Variants in PIK3R5 observed in about 807,000 individuals in gnomAD.
The protein encoded by PIK3R5 is phosphoinositide 3-kinase regulatory subunit 5.
Under a neutral mutation model 94.9 loss-of-function variants are expected in PIK3R5, and 32 were observed. The ratio of observed to expected loss-of-function variants is 0.34; its 90% CI spans 0.25 to 0.45. The LOEUF (loss-of-function observed/expected upper bound fraction) is 0.45, where lower values mean the gene tolerates loss of function less well. Among genes scored for constraint, PIK3R5 ranks in the 20% least tolerant of loss-of-function variants. PIK3R5 has a pLI of 1.00. For missense variants in PIK3R5, 853 were observed against 1,144.6 expected (o/e 0.75, Z 3.68); for synonymous variants, 443 against 479.4 (o/e 0.92, Z 0.99).
At position 8,909,430 on chromosome 17, in the gene PIK3R5, C is replaced by T. The variant is rs974587191; in HGVS notation, c.104-256G>A. ...TCAGCCTCCCAAGTAGCTGGGATTA[C>T]AGGCACGTGCCACCGCACCCAGCTA... is the stretch of plus-strand genomic sequence containing the variant. On this transcript the variant is annotated intron_variant, in intron 2 of 18. Transcript: ENST00000447110. The surrounding 1 kb of genome is among the most constrained non-coding windows in gnomAD (Gnocchi z 4.3). Among the ~76,000 whole-genome samples, 2 of 152,134 alleles carry T rather than the reference C, an allele frequency of 1.3e-5. No individual in the cohort carries two copies. The highest frequency in any genetic ancestry group is 4.8e-5 in the African/African-American group (2 of 41,424).
At chr17:8,954,326 T>A (rs2091430465) in intron 1 of PIK3R5, among the ~76,000 whole-genome samples, 1 of 152,212 alleles carries the variant, frequency 6.6e-6, no homozygotes, top group Non-Finnish European at 1.5e-5. Flanking sequence ...TCCCTTGTCC[T>A]CCAGGGTCAA....
intron 1 of PIK3R5, among the ~76,000 whole-genome samples, chr17:8,920,286 T>TA (rs1324504483): frequency 1.3e-5 from 2 of 152,232 alleles, no homozygotes; most frequent in African/African-American, 4.8e-5. Flanking sequence ...GACGCACAGT[T>TA]AGACTTGGAA....
rs111710522 is a variant in PIK3R5 at position 8,954,461 on chromosome 17, C to T, written c.-14+11135G>A. On this transcript the variant is annotated intron_variant, in intron 1 of 18. Coordinates refer to ENST00000447110, the MANE Select transcript of PIK3R5 (RefSeq NM_001142633.3). ...TGATTGCCCCACAGCCTGGCACGGG[C>T]GGGACAGGAAGCCCCTCTGCCTTGT... Among the ~76,000 whole-genome samples, 1,292 of 152,282 alleles carry T rather than the reference C, an allele frequency of 8.5e-3. 19 individuals carry two copies. The highest frequency in any genetic ancestry group is 0.029 in the African/African-American group (1,203 of 41,562).
chr17:8,885,595 GCCCTGCCTCCTAGGTAA>G (rs1289519909), intron 14 of PIK3R5, among the ~76,000 whole-genome samples: 19 of 127,618 alleles, frequency 1.5e-4, no homozygotes, highest in African/African-American at 5.5e-4. Context: ...CCTCCCCATG[GCCCTGCCTCCTAGGTAA>G]CCCCGCCCCC....
rs2089764715 is a variant in PIK3R5 at position 8,884,598 on chromosome 17, TA to T, written c.2205+108del. On this transcript the variant is annotated intron_variant, in intron 15 of 18. Coordinates refer to ENST00000447110, the MANE Select transcript of PIK3R5 (RefSeq NM_001142633.3). The surrounding 1 kb of genome is among the most constrained non-coding windows in gnomAD (Gnocchi z 5.8). ...GGGAGCCTGCTGCAGCCTTCCAGCG[TA>T]AAGACTGGGGCCCAGGAACACACGA... The T allele has an allele frequency of 3.6e-6, 3 of 830,192 alleles. No individual in the cohort carries two copies. Among genetic ancestry groups the T allele is most frequent in the Non-Finnish European group, 6.0e-6 (3 of 499,682 alleles). The allele number at this position is 830,192 out of a possible 1,614,324, so 51.4% of individuals were successfully genotyped here.
At chr17:8,912,285 C>G (rs2090543644) in intron 1 of PIK3R5, among the ~76,000 whole-genome samples, 1 of 152,242 alleles carries the variant, frequency 6.6e-6, no homozygotes, top group South Asian at 2.1e-4. Flanking sequence ...GCTCCTGGGT[C>G]TCTGGGGAAG....
chr17:8,886,419 TG>T, intron 13 of PIK3R5, 57 bp downstream of exon 13: 3 of 1,598,784 alleles, frequency 1.9e-6, no homozygotes, highest in African/African-American at 2.7e-5. Context: ...GGGGCAGGGG[TG>T]GGGCCTTGCA....
chr17:8,953,612 A>T (rs1002194781), intron 1 of PIK3R5, among the ~76,000 whole-genome samples: 1 of 152,164 alleles, frequency 6.6e-6, no homozygotes, highest in African/African-American at 2.4e-5. Flanking sequence ...TTCACCACTA[A>T]AAACAACCTC....
chr17:8,884,602 G>T lies in PIK3R5; in HGVS notation c.2205+105C>A. ...GCCTGCTGCAGCCTTCCAGCGTAAA[G>T]ACTGGGGCCCAGGAACACACGAGTC... On this transcript the variant is annotated intron_variant, in intron 15 of 18. Coordinates refer to ENST00000447110, the MANE Select transcript of PIK3R5 (RefSeq NM_001142633.3). This position sits in a 1 kb window ranked among gnomAD's most constrained non-coding sequence, Gnocchi z 5.8. The T allele has an allele frequency of 3.5e-6, 3 of 865,240 alleles. No homozygotes were observed. The highest frequency in any genetic ancestry group is 1.5e-5 in the South Asian group (1 of 67,238). 53.6% of individuals were successfully genotyped at this position (865,240 alleles called of 1,614,324 possible). A position where few individuals can be genotyped will look rare whatever the true frequency, so the allele number is the denominator to read the frequency against.
At position 8,934,620 on chromosome 17, in the gene PIK3R5, G is replaced by A. The variant is rs1479661542; in HGVS notation, c.-13-23113C>T. Reference sequence around the variant, plus strand: ...AATAGCTAATACAGTTTGGGAAAAGGACAAAGTTGGACGACTCATCCTATC... The same window carrying A: ...AATAGCTAATACAGTTTGGGAAAAGAACAAAGTTGGACGACTCATCCTATC... On this transcript the variant is annotated intron_variant, in intron 1 of 18. Transcript: ENST00000447110. 2.0e-5 allele frequency among the ~76,000 whole-genome samples: 3 copies of A among 152,280 alleles called. 1 individual carries two copies. In the East Asian group the frequency reaches 5.8e-4, roughly 29 times the overall value.
chr17:8,908,873 T>C (rs896039289), intron 3 of PIK3R5, among the ~76,000 whole-genome samples: 6 of 152,228 alleles, frequency 3.9e-5, no homozygotes, highest in African/African-American at 1.4e-4. Flanking sequence ...TCGCGTATGA[T>C]GTGTTCTTAC....
At chr17:8,901,263 G>A (rs567881963) in intron 5 of PIK3R5, among the ~76,000 whole-genome samples, 89 of 152,308 alleles carry the variant, frequency 5.8e-4, no homozygotes, top group African/African-American at 2.0e-3. Context: ...AGAGTCCAGC[G>A]CCTCCTAAGG....
At chr17:8,915,294 C>T (rs1017010650) in intron 1 of PIK3R5, among the ~76,000 whole-genome samples, 4 of 151,560 alleles carry the variant, frequency 2.6e-5, no homozygotes, top group Non-Finnish European at 4.4e-5. Context: ...TGTGGTGGTG[C>T]ACACCTGTAA....
intron 1 of PIK3R5, among the ~76,000 whole-genome samples, chr17:8,950,216 G>A (rs1297636316): frequency 6.6e-6 from 1 of 152,256 alleles, no homozygotes; most frequent in African/African-American, 2.4e-5. Context: ...CCCAAAGGGT[G>A]TTGAGTAGCT....
rs986108616 is a variant in PIK3R5 at position 8,935,914 on chromosome 17, C to T, written c.-13-24407G>A. 1.3e-5 allele frequency among the ~76,000 whole-genome samples: 2 copies of T among 151,970 alleles called. No homozygotes were observed. The highest frequency in any genetic ancestry group is 6.6e-5 in the Admixed American group (1 of 15,258). ...CTAAAAATACAAAAAATTAGCCGGG[C>T]GTGGTGGCGGGCACCTGTAGTCCCA... On this transcript the variant is annotated intron_variant, in intron 1 of 18. Transcript: ENST00000447110. The surrounding 1 kb of genome is among the most constrained non-coding windows in gnomAD (Gnocchi z 4.5).
chr17:8,917,113 G>C (rs765036296), intron 1 of PIK3R5, among the ~76,000 whole-genome samples: 1 of 152,112 alleles, frequency 6.6e-6, no homozygotes, highest in Non-Finnish European at 1.5e-5. Flanking sequence ...CTAAGTAAAA[G>C]AATTCTTCCC....
At chr17:8,942,754 C>G (rs181750997) in intron 1 of PIK3R5, among the ~76,000 whole-genome samples, 1 of 152,016 alleles carries the variant, frequency 6.6e-6, no homozygotes, top group Non-Finnish European at 1.5e-5. Flanking sequence ...TACAGGCGTC[C>G]GCCACCACGC....
At chr17:8,910,164 G>A (rs1240788596) in intron 2 of PIK3R5, among the ~76,000 whole-genome samples, 2 of 152,162 alleles carry the variant, frequency 1.3e-5, no homozygotes, top group African/African-American at 2.4e-5. Context: ...TGTGTGGAGT[G>A]GGGAGTGAGA....
chr17:8,940,739 T>C (rs144529396), intron 1 of PIK3R5, among the ~76,000 whole-genome samples: 1 of 152,076 alleles, frequency 6.6e-6, no homozygotes, highest in East Asian at 1.9e-4. Flanking sequence ...TTTTGTATTT[T>C]TAGTAGAGAC....
Sources: gnomAD v4.1 joint callset for allele counts (sites outside exome capture counted in the v4.1 genomes callset) on GRCh38, gnomAD v4.1.1 for gene constraint, Gnocchi (gnomAD v3.1) non-coding constraint, MANE v1.5 for transcripts, NCBI Gene and HGNC (gene_info 2026-07-23, HGNC 2026-07-21) for gene names.